The following CHD6 variants were observed in gnomAD, a reference collection of about 807,000 sequenced individuals.
CHD6 encodes chromodomain helicase DNA binding protein 6, also known as ATP-dependent chromatin remodeler CHD6.
Under a neutral mutation model 276.9 loss-of-function variants are expected in CHD6, and 50 were observed. The observed-to-expected ratio is 0.18, with a 90% CI of 0.14 to 0.23. The LOEUF (loss-of-function observed/expected upper bound fraction) is 0.23, where lower values mean the gene tolerates loss of function less well. Ranked by LOEUF, CHD6 falls within the 10% of genes least tolerant of loss-of-function variation. The probability of loss-of-function intolerance (pLI) is 1.00; values close to 1 mark genes in which losing one functional copy is unlikely to be tolerated. For synonymous variants in CHD6, 1,173 were observed against 1,229.3 expected (o/e 0.95, Z 0.96); for missense variants, 2,564 against 3,365.8 (o/e 0.76, Z 5.89).
chr20:41,549,409 T>A (rs941478077), intron 2 of CHD6, among the ~76,000 whole-genome samples: 2 of 144,026 alleles, frequency 1.4e-5, no homozygotes, highest in Non-Finnish European at 3.0e-5. Flanking sequence ...AACCAAACAC[T>A]GCATGTTCTC....
intron 1 of CHD6, among the ~76,000 whole-genome samples, chr20:41,597,158 AAAG>A (rs2045726092): frequency 6.6e-6 from 1 of 152,204 alleles, no homozygotes; most frequent in South Asian, 2.1e-4. Flanking sequence ...GGAAAAAGAA[AAAG>A]AAGTCATCCC....
chr20:41,516,537 G>A (rs1170037432), intron 3 of CHD6, among the ~76,000 whole-genome samples: 1 of 152,126 alleles, frequency 6.6e-6, no homozygotes, highest in African/African-American at 2.4e-5. Flanking sequence ...GGTTAAGTTA[G>A]ATTTCCAGGG....
intron 1 of CHD6, among the ~76,000 whole-genome samples, chr20:41,607,894 T>A (rs1002996007): frequency 6.6e-6 from 1 of 152,110 alleles, no homozygotes; most frequent in African/African-American, 2.4e-5. Context: ...GGGACACACA[T>A]CACTTCCACT....
intron 14 of CHD6, among the ~76,000 whole-genome samples, chr20:41,485,098 G>A (rs546345215): frequency 6.6e-6 from 1 of 152,328 alleles, no homozygotes; most frequent in Non-Finnish European, 1.5e-5. Flanking sequence ...ATACATGCTT[G>A]GGTGTAGCAG....
intron 3 of CHD6, among the ~76,000 whole-genome samples, chr20:41,527,916 T>G (rs866002158): frequency 1.3e-5 from 2 of 152,212 alleles, no homozygotes; most frequent in Non-Finnish European, 2.9e-5. Context: ...CGTTAACATT[T>G]CATCCTCTCT....
intron 23 of CHD6, among the ~76,000 whole-genome samples, chr20:41,448,846 T>C (rs974204588): frequency 2.6e-5 from 4 of 152,062 alleles, no homozygotes; most frequent in African/African-American, 9.7e-5. Flanking sequence ...ACCCTTATTA[T>C]CTCTGGTATA....
intron 17 of CHD6, chr20:41,459,589 ATAGT>A (rs749352722): frequency 6.4e-5 from 10 of 155,146 alleles, no homozygotes; most frequent in South Asian, 2.0e-4. Flanking sequence ...TATTCTAGTG[ATAGT>A]TAATGAGATC....
intron 25 of CHD6, among the ~76,000 whole-genome samples, chr20:41,442,885 C>A (rs1342762861): frequency 6.6e-6 from 1 of 152,206 alleles, no homozygotes; most frequent in African/African-American, 2.4e-5. Context: ...TCTAAGTTGA[C>A]TCCAATGTAA....
chr20:41,545,773 C>T (rs1280795938), intron 2 of CHD6, among the ~76,000 whole-genome samples: 1 of 152,126 alleles, frequency 6.6e-6, no homozygotes, highest in Non-Finnish European at 1.5e-5. Flanking sequence ...TTCCTTTCTC[C>T]CTTCCCACCA....
At chr20:41,425,536 C>T in intron 28 of CHD6, 142 bp from the exon 29 acceptor site, 2 of 835,150 alleles carry the variant, frequency 2.4e-6, no homozygotes, top group Non-Finnish European at 3.7e-6. Context: ...GGCCCAGGAG[C>T]AAGGCATGAC....
chr20:41,549,257 C>T (rs1328338056), intron 2 of CHD6, among the ~76,000 whole-genome samples: 37 of 151,640 alleles, frequency 2.4e-4, no homozygotes, highest in East Asian at 1.2e-3. Context: ...TGTCCAACAA[C>T]GATAGACTGG....
At chr20:41,451,184 G>A (rs1020676627) in intron 22 of CHD6, 79 bp from the exon 23 acceptor site, 1 of 1,306,394 alleles carries the variant, frequency 7.7e-7, no homozygotes, top group African/African-American at 1.4e-5. Context: ...GCTGGGCTGG[G>A]GTTTGTTAGA....
intron 1 of CHD6, among the ~76,000 whole-genome samples, chr20:41,580,261 G>C (rs78420563): frequency 6.6e-6 from 1 of 151,960 alleles, no homozygotes; most frequent in Non-Finnish European, 1.5e-5. Context: ...TTTCTTGTTG[G>C]GTAAAGAAAA....
intron 1 of CHD6, among the ~76,000 whole-genome samples, chr20:41,599,193 AT>A (rs2045748879): frequency 1.3e-5 from 2 of 152,206 alleles, no homozygotes; most frequent in South Asian, 4.1e-4. Flanking sequence ...TAACAGCCAA[AT>A]GGCTTGGGAA....
chr20:41,403,526 G>C lies in CHD6; in HGVS notation c.*1067C>G. 1.9e-6 allele frequency: 2 copies of C among 1,063,078 alleles called. No individual in the cohort carries two copies. The highest frequency in any genetic ancestry group is 1.1e-6 in the Non-Finnish European group (1 of 877,870). 65.9% of individuals were successfully genotyped at this position (1,063,078 alleles called of 1,614,324 possible). A position where few individuals can be genotyped will look rare whatever the true frequency, so the allele number is the denominator to read the frequency against. On this transcript the variant is annotated 3_prime_UTR_variant, in exon 37 of 37. Coordinates refer to ENST00000373233, the MANE Select transcript of CHD6 (RefSeq NM_032221.5). ...TATAAACAGAATGGAGAAATTAATG[G>C]AGAAGTAACTTTTCATAGCTGTATT...
chr20:41,409,666 A>C (rs1370858393), intron 36 of CHD6, among the ~76,000 whole-genome samples: 1 of 152,136 alleles, frequency 6.6e-6, no homozygotes, highest in Non-Finnish European at 1.5e-5. Context: ...CCAAAACACA[A>C]CAACCAGCTC....
At chr20:41,582,864 A>T (rs2045555230) in intron 1 of CHD6, among the ~76,000 whole-genome samples, 1 of 152,202 alleles carries the variant, frequency 6.6e-6, no homozygotes, top group Non-Finnish European at 1.5e-5. Context: ...TGATGGGCTC[A>T]TAAGAACACT....
At chr20:41,610,077 G>C (rs2045870859) in intron 1 of CHD6, among the ~76,000 whole-genome samples, 1 of 151,868 alleles carries the variant, frequency 6.6e-6, no homozygotes, top group Non-Finnish European at 1.5e-5. Context: ...GGCTGGTCTC[G>C]AACTCCTGAC....
chr20:41,583,578 TGAA>T (rs1423325818), intron 1 of CHD6, among the ~76,000 whole-genome samples: 1 of 152,164 alleles, frequency 6.6e-6, no homozygotes, highest in African/African-American at 2.4e-5. Flanking sequence ...AGGACCTACA[TGAA>T]GAAGTGGATA....
Sources: gnomAD v4.1 joint callset for allele counts (sites outside exome capture counted in the v4.1 genomes callset) on GRCh38, gnomAD v4.1.1 for gene constraint, MANE v1.5 for transcripts, NCBI Gene and HGNC (gene_info 2026-07-23, HGNC 2026-07-21) for gene names.